FER1L6: variants seen among roughly 807,000 people sequenced by gnomAD.
FER1L6 encodes fer-1-like protein 6.
FER1L6 carries 177 observed loss-of-function variants against 219.2 expected under a neutral mutation model. That is an observed-to-expected ratio of 0.81 (90% confidence interval 0.71 to 0.91). FER1L6 has a LOEUF of 0.91. Ranked by LOEUF, FER1L6 falls within the 40% of genes least tolerant of loss-of-function variation. FER1L6 has a pLI of 0.00. For missense variants in FER1L6, 2,153 were observed against 2,259.9 expected, an observed-to-expected ratio of 0.95 and a Z score of 0.96; for synonymous variants, 768 against 824.3, an observed-to-expected ratio of 0.93 and a Z score of 1.17.
intron 12 of FER1L6, among the ~76,000 whole-genome samples, chr8:123,999,774 T>G (rs1817321145): frequency 6.6e-6 from 1 of 152,198 alleles, no homozygotes; most frequent in African/African-American, 2.4e-5. Flanking sequence ...GGTATCCAAG[T>G]TGAAAGACAA....
At chr8:124,103,389 T>C in intron 39 of FER1L6, 80 bp downstream of exon 39, 1 of 1,407,428 alleles carries the variant, frequency 7.1e-7, no homozygotes, top group Non-Finnish European at 9.8e-7. Flanking sequence ...TTTTGTGAAC[T>C]TCAAGTAAAA....
At chr8:123,991,280 T>C (rs994694437) in intron 12 of FER1L6, among the ~76,000 whole-genome samples, 1 of 152,222 alleles carries the variant, frequency 6.6e-6, no homozygotes, top group Admixed American at 6.5e-5. Flanking sequence ...CTGCATTGAA[T>C]TTGTAGATTG....
intron 1 of FER1L6, among the ~76,000 whole-genome samples, chr8:123,891,418 T>C (rs113077916): frequency 7.2e-5 from 11 of 152,290 alleles, no homozygotes; most frequent in African/African-American, 2.6e-4. Context: ...TGCATTTACC[T>C]TCTTTTTTTT....
intron 18 of FER1L6, among the ~76,000 whole-genome samples, chr8:124,026,792 A>T (rs1818726742): frequency 6.6e-6 from 1 of 151,238 alleles, no homozygotes; most frequent in Non-Finnish European, 1.5e-5. Context: ...TAAAGCATGG[A>T]CTTTGAAATA....
intron 7 of FER1L6, among the ~76,000 whole-genome samples, chr8:123,974,500 A>T (rs1815959080): frequency 6.6e-6 from 1 of 151,500 alleles, no homozygotes; most frequent in Non-Finnish European, 1.5e-5. Context: ...GCTGGGCGTG[A>T]TGGTGCACAC....
chr8:124,097,072 G>GATAT lies in FER1L6; in HGVS notation c.4696-179_4696-176dup, dbSNP rs565301549. Among the ~76,000 whole-genome samples, 315 of 146,832 alleles carry GATAT rather than the reference G, an allele frequency of 2.1e-3. 3 individuals carry two copies. Among genetic ancestry groups the GATAT allele is most frequent in the East Asian group, 0.012 (61 of 4,946 alleles). On this transcript the variant is annotated intron_variant, in intron 35 of 40. Transcript: ENST00000522917. ...CTTAATTTATGCTCTAATTCCTAAAGATATATATATATATATATATATACA... is the reference window on the plus strand; with the variant it reads ...CTTAATTTATGCTCTAATTCCTAAAGATATATATATATATATATATATATATACA...
At chr8:123,951,878 A>G (rs1449787857) in intron 1 of FER1L6, among the ~76,000 whole-genome samples, 3 of 152,196 alleles carry the variant, frequency 2.0e-5, no homozygotes, top group Non-Finnish European at 2.9e-5. Context: ...AGAGAGCAGC[A>G]TGGGCCAGTA....
intron 13 of FER1L6, chr8:124,004,177 T>G (rs1237682106): frequency 1.4e-5 from 2 of 147,834 alleles, no homozygotes; most frequent in Non-Finnish European, 3.0e-5. Flanking sequence ...AGAAAACAGC[T>G]GGGGGCACTT....
intron 1 of FER1L6, among the ~76,000 whole-genome samples, chr8:123,900,741 C>G (rs1433916850): frequency 1.3e-5 from 2 of 152,164 alleles, no homozygotes; most frequent in African/African-American, 2.4e-5. Flanking sequence ...AATGCTTTTT[C>G]TGCATCTGTT....
chr8:124,018,135 C>A (rs1308430122), intron 16 of FER1L6, among the ~76,000 whole-genome samples: 1 of 152,172 alleles, frequency 6.6e-6, no homozygotes, highest in African/African-American at 2.4e-5. Context: ...GTAGTTGTTA[C>A]CCCTCTGTGT....
intron 1 of FER1L6, among the ~76,000 whole-genome samples, chr8:123,866,708 C>T (rs1217323245): frequency 6.6e-6 from 1 of 152,184 alleles, no homozygotes; most frequent in Non-Finnish European, 1.5e-5. Context: ...GCCTCAAACT[C>T]TTGAGCTCAA....
intron 39 of FER1L6, among the ~76,000 whole-genome samples, chr8:124,107,293 A>T (rs1279146908): frequency 6.6e-6 from 1 of 152,208 alleles, no homozygotes; most frequent in Non-Finnish European, 1.5e-5. Flanking sequence ...TACTGAGCAC[A>T]TAAGTGCTCA....
At chr8:123,927,932 A>G (rs984037285) in intron 1 of FER1L6, among the ~76,000 whole-genome samples, 1 of 152,160 alleles carries the variant, frequency 6.6e-6, no homozygotes, top group Admixed American at 6.5e-5. Flanking sequence ...TTCTTTCCAG[A>G]AATGGATGCA....
intron 1 of FER1L6, among the ~76,000 whole-genome samples, chr8:123,930,475 C>T (rs1407702265): frequency 6.6e-6 from 1 of 152,102 alleles, no homozygotes; most frequent in African/African-American, 2.4e-5. Context: ...ATTTGGAGGG[C>T]AGAGGAAGGA....
chr8:123,953,888 A>T (rs1366093488), intron 1 of FER1L6, among the ~76,000 whole-genome samples: 1 of 152,152 alleles, frequency 6.6e-6, no homozygotes, highest in African/African-American at 2.4e-5. Context: ...CGACCCTTTG[A>T]AAACAGAATA....
At position 124,101,297 on chromosome 8, in the gene FER1L6, A is replaced by G. The variant is rs754453710; in HGVS notation, c.5084A>G (p.Gln1695Arg). 6.2e-7 allele frequency: 1 copy of G among 1,613,840 alleles called. No homozygotes were observed. The highest frequency in any genetic ancestry group is 8.5e-7 in the Non-Finnish European group (1 of 1,179,816). The change falls in exon 38 of 41, where the codon CAG becomes CGG. Residue 1695 changes from glutamine to arginine, a missense_variant. Gln to Arg is a conservative substitution (Grantham distance 43, BLOSUM62 1). Transcript: ENST00000522917. ...AAGACTCCTGCTGTGTTGGTGCTGC[A>G]GGTTTGGGATTTTGAAAGGCTGTCC... ...ECKTPAVLVLQVWDFERLSSD... is the reference protein window; with the variant it reads ...ECKTPAVLVLRVWDFERLSSD...
At chr8:123,964,001 G>T (rs987008961) in intron 3 of FER1L6, among the ~76,000 whole-genome samples, 35 of 152,224 alleles carry the variant, frequency 2.3e-4, no homozygotes, top group Admixed American at 2.2e-3. Context: ...GGAGTTGGCT[G>T]GTGGTAGCCT....
chr8:124,021,369 C>A (rs190180965), intron 16 of FER1L6, among the ~76,000 whole-genome samples, 181 bp from the exon 17 acceptor site: 85 of 152,202 alleles, frequency 5.6e-4, no homozygotes, highest in African/African-American at 1.8e-3. Flanking sequence ...GATATTACAG[C>A]CTCCATAATC....
At chr8:123,992,040 G>C (rs888513161) in intron 12 of FER1L6, among the ~76,000 whole-genome samples, 1 of 152,122 alleles carries the variant, frequency 6.6e-6, no homozygotes, top group Non-Finnish European at 1.5e-5. Context: ...CGCATCCCTG[G>C]AATGTAATGC....
Sources: gnomAD v4.1 joint callset for allele counts (sites outside exome capture counted in the v4.1 genomes callset) on GRCh38, gnomAD v4.1.1 for gene constraint, MANE v1.5 for transcripts, NCBI Gene and HGNC (gene_info 2026-07-23, HGNC 2026-07-21) for gene names.